Variants in TMED8 observed in about 807,000 individuals in gnomAD.
The protein encoded by TMED8 is transmembrane p24 trafficking protein family member 8, also known as protein TMED8.
A neutral mutation model predicts 32.7 loss-of-function variants in TMED8; 15 were observed. The ratio of observed to expected loss-of-function variants is 0.46; its 90% CI spans 0.31 to 0.71. TMED8 has a LOEUF of 0.71. TMED8 is among the 30% of genes least tolerant of loss of function. The probability of loss-of-function intolerance (pLI) is 0.06; values close to 1 mark genes in which losing one functional copy is unlikely to be tolerated. For synonymous variants in TMED8, 147 were observed against 161.4 expected, an observed-to-expected ratio of 0.91 and a Z score of 0.68; for missense variants, 390 against 423.9, an observed-to-expected ratio of 0.92 and a Z score of 0.70.
chr14:77,374,542 C>T (rs1277026410), intron 1 of TMED8, among the ~76,000 whole-genome samples: 1 of 152,226 alleles, frequency 6.6e-6, no homozygotes, highest in Non-Finnish European at 1.5e-5. Context: ...GATACAAAAT[C>T]GTACCTGGTT....
At chr14:77,343,660 G>C (rs746016368) in intron 4 of TMED8, 37 bp downstream of exon 4, 2 of 1,611,954 alleles carry the variant, frequency 1.2e-6, no homozygotes, top group Non-Finnish European at 1.7e-6. Context: ...AGTATCTACT[G>C]GAAACAAACC....
At chr14:77,374,561 T>C (rs985319118) in intron 1 of TMED8, among the ~76,000 whole-genome samples, 10 of 152,244 alleles carry the variant, frequency 6.6e-5, no homozygotes, top group African/African-American at 2.2e-4. Flanking sequence ...TTGAAAACCA[T>C]TGCTCTAACC....
intron 3 of TMED8, among the ~76,000 whole-genome samples, chr14:77,344,969 G>C (rs1892990715): frequency 6.6e-6 from 1 of 152,076 alleles, no homozygotes. Flanking sequence ...ACAGCCCTCA[G>C]CCTCAGTTTC....
intron 1 of TMED8, among the ~76,000 whole-genome samples, chr14:77,366,669 GTTA>G (rs1217465973): frequency 6.6e-6 from 1 of 152,114 alleles, no homozygotes; most frequent in African/African-American, 2.4e-5. Context: ...GATCATCTTT[GTTA>G]TTATAACCAA....
chr14:77,359,555 T>C (rs1893379165), intron 1 of TMED8: 1 of 411,398 alleles, frequency 2.4e-6, no homozygotes, highest in South Asian at 1.8e-5. Flanking sequence ...GTTTTCATAA[T>C]ATCTGCTATC....
chr14:77,341,941 G>A lies in TMED8; in HGVS notation c.808C>T (p.Arg270Trp), dbSNP rs775408619. ...GGCATGACCTCCCCATAGCGACCCC[G>A]CAAGGAGCTCCTGGAGCCTCTCTCC... ...DVERGSRSSL[R>W]GRYGEVMPVY... is the part of the protein sequence containing the mutation. Residue 270 changes from arginine to tryptophan, a missense_variant, in exon 6 of 6, where the codon CGG (arginine) becomes TGG (tryptophan). Transcript: ENST00000216468. The A allele has an allele frequency of 7.4e-6, 12 of 1,613,876 alleles. No individual in the cohort carries two copies. Among genetic ancestry groups the A allele is most frequent in the South Asian group, 2.2e-5 (2 of 91,070 alleles).
intron 3 of TMED8, 117 bp from the exon 4 acceptor site, chr14:77,343,940 T>G: frequency 9.7e-7 from 1 of 1,028,256 alleles, no homozygotes; most frequent in Admixed American, 2.6e-5. Context: ...CACTCAAAGC[T>G]TAATGTACTA....
At chr14:77,350,568 C>T (rs1288319503) in intron 2 of TMED8, among the ~76,000 whole-genome samples, 2 of 152,172 alleles carry the variant, frequency 1.3e-5, no homozygotes, top group Admixed American at 1.3e-4. Context: ...GAATCATTAG[C>T]TTGACTTACT....
At position 77,338,284 on chromosome 14, in the gene TMED8, T is replaced by C. The variant is rs1892813848; in HGVS notation, c.*3487A>G. 1 of 152,170 alleles carries C rather than the reference T, an allele frequency of 6.6e-6. No homozygotes were observed. The highest frequency in any genetic ancestry group is 1.5e-5 in the Non-Finnish European group (1 of 68,030). The allele number at this position is 152,170 out of a possible 1,614,324, so 9.4% of individuals were successfully genotyped here. A position where few individuals can be genotyped will look rare whatever the true frequency, so the allele number is the denominator to read the frequency against. On this transcript the variant is annotated 3_prime_UTR_variant, in exon 6 of 6. Transcript: ENST00000216468. The stretch of plus-strand genomic sequence containing the variant: ...AATGGCCCTACAAAGCTGTCTCTTG[T>C]GGGGGAAACTGCATTCTGTAGAGAA...
intron 1 of TMED8, among the ~76,000 whole-genome samples, chr14:77,367,663 T>G (rs889293342): frequency 2.6e-5 from 4 of 152,068 alleles, no homozygotes; most frequent in African/African-American, 9.7e-5. Flanking sequence ...AATGCACCCA[T>G]GTAATTGTAG....
In TMED8 at chr14:77,341,849, G is replaced by A. The variant is rs1892907233; in HGVS notation, c.900C>T (p.Ile300=). The A allele has an allele frequency of 6.2e-7, 1 of 1,613,912 alleles. No homozygotes were observed. The highest frequency in any genetic ancestry group is 8.5e-7 in the Non-Finnish European group (1 of 1,180,018). ...AGGAGTTGTCGAACTTGAGCAGGTA[G>A]ATGCCCTCACCAGGGTAGTCATGGC... ...AGSHDYPGEG[I]YLLKFDNSYS... is the part of the protein sequence containing the mutation. Residue 300 remains isoleucine, a synonymous_variant, in exon 6 of 6, where the codon ATC becomes ATT. Coordinates refer to ENST00000216468, the MANE Select transcript of TMED8 (RefSeq NM_213601.3).
rs559531956 is a variant in TMED8 at position 77,337,610 on chromosome 14, C to G, written c.*4161G>C. Reference sequence around the variant, plus strand: ...TTCACTATGTTGGCCAGGCTGGTCTCGAACTCCTGGCCTAAGGTGGTCTGC... The same window carrying G: ...TTCACTATGTTGGCCAGGCTGGTCTGGAACTCCTGGCCTAAGGTGGTCTGC... On this transcript the variant is annotated 3_prime_UTR_variant, in exon 6 of 6. Coordinates refer to ENST00000216468, the MANE Select transcript of TMED8 (RefSeq NM_213601.3). The G allele has an allele frequency of 1.3e-5, 2 of 152,156 alleles. No individual in the cohort carries two copies. The highest frequency in any genetic ancestry group is 2.9e-5 in the Non-Finnish European group (2 of 68,048). The allele number at this position is 152,156 out of a possible 1,614,324, so 9.4% of individuals were successfully genotyped here.
chr14:77,357,637 A>G (rs1337160011), intron 1 of TMED8, among the ~76,000 whole-genome samples: 4 of 152,206 alleles, frequency 2.6e-5, no homozygotes, highest in African/African-American at 9.6e-5. Context: ...GAATTTTAGC[A>G]TATTTTATGT....
In TMED8 at chr14:77,338,227, AC is replaced by A. The variant is rs1892812197; in HGVS notation, c.*3543del. ...TGACAGCAGGCCCCAAAGGAAATTTACCCCCCAATATATTTATTTGACGTAT... is the reference window on the plus strand; with the variant it reads ...TGACAGCAGGCCCCAAAGGAAATTTACCCCCAATATATTTATTTGACGTAT... On this transcript the variant is annotated 3_prime_UTR_variant, in exon 6 of 6. Coordinates refer to ENST00000216468, the MANE Select transcript of TMED8 (RefSeq NM_213601.3). The A allele has an allele frequency of 6.6e-6, 1 of 151,908 alleles. No homozygotes were observed. The highest frequency in any genetic ancestry group is 1.9e-4 in the East Asian group (1 of 5,182). 9.4% of individuals were successfully genotyped at this position (151,908 alleles called of 1,614,324 possible).
intron 1 of TMED8, among the ~76,000 whole-genome samples, chr14:77,354,538 T>C (rs932699344): frequency 6.6e-6 from 1 of 152,190 alleles, no homozygotes; most frequent in African/African-American, 2.4e-5. Flanking sequence ...TAATTTTTAA[T>C]ATACAGATAA....
intron 2 of TMED8, among the ~76,000 whole-genome samples, chr14:77,348,894 T>C (rs1387853938): frequency 1.3e-5 from 2 of 152,188 alleles, no homozygotes; most frequent in African/African-American, 4.8e-5. Context: ...ATAGGTTCAC[T>C]TGGGTAATTC....
At chr14:77,347,980 G>A (rs532056391) in intron 2 of TMED8, among the ~76,000 whole-genome samples, 10 of 152,236 alleles carry the variant, frequency 6.6e-5, no homozygotes, top group African/African-American at 2.2e-4. Flanking sequence ...TCTCAAGAGT[G>A]TGCAGTGGAA....
At position 77,361,848 on chromosome 14, in the gene TMED8, G is replaced by A. The variant is rs777850548; in HGVS notation, c.119-10097C>T. On this transcript the variant is annotated intron_variant, in intron 1 of 5. Coordinates refer to ENST00000216468, the MANE Select transcript of TMED8 (RefSeq NM_213601.3). ...TCTGTAAGCCATGCTGGAGTGCAGT[G>A]GCACAATCACAGCTCACTGCAGCCT... Among the ~76,000 whole-genome samples the A allele has an allele frequency of 3.3e-5, 5 of 152,096 alleles. 1 individual carries two copies. Among genetic ancestry groups the A allele is most frequent in the Non-Finnish European group, 5.9e-5 (4 of 68,024 alleles).
rs565935644 is a variant in TMED8, at chr14:77,343,754, T to C, written c.397A>G (p.Ile133Val). 9.3e-6 allele frequency: 15 copies of C among 1,614,188 alleles called. No individual in the cohort carries two copies. Among genetic ancestry groups the C allele is most frequent in the East Asian group, 8.9e-5 (4 of 44,890 alleles). ...VMIQSEHTGA[I>V]DVLSADLESA... Reference sequence around the variant, plus strand: ...TCCAAATCAGCTGAAAGAACATCTATAGCTCCTGTATGTTCAGACTGGATC... The same window carrying C: ...TCCAAATCAGCTGAAAGAACATCTACAGCTCCTGTATGTTCAGACTGGATC... The change falls in exon 4 of 6, where the codon ATA becomes GTA. Residue 133 changes from isoleucine to valine, a missense_variant. Coordinates refer to ENST00000216468, the MANE Select transcript of TMED8 (RefSeq NM_213601.3).
Sources: allele counts gnomAD v4.1 joint callset (sites outside exome capture counted in the v4.1 genomes callset), GRCh38; gene constraint gnomAD v4.1.1; transcripts MANE v1.5; gene names NCBI Gene and HGNC (gene_info 2026-07-23, HGNC 2026-07-21).